The following CLDN10 variants were observed in gnomAD, a reference collection of about 807,000 sequenced individuals.
CLDN10 encodes claudin 10, also known as claudin-10.
Under a neutral mutation model 22.9 loss-of-function variants are expected in CLDN10, and 15 were observed. That is an observed-to-expected ratio of 0.65 (90% confidence interval 0.44 to 1.01). CLDN10 has a LOEUF of 1.01. Ranked by LOEUF, CLDN10 falls within the 50% of genes least tolerant of loss-of-function variation. CLDN10 has a pLI of 0.00. For synonymous variants in CLDN10, 114 were observed against 111.4 expected (o/e 1.02, Z -0.15); for missense variants, 247 against 287.8 (o/e 0.86, Z 1.03).
At chr13:95,490,813 T>C (rs2042865039) in intron 1 of CLDN10, among the ~76,000 whole-genome samples, 1 of 152,248 alleles carries the variant, frequency 6.6e-6, no homozygotes, top group Non-Finnish European at 1.5e-5. Flanking sequence ...GTTTCTTTAT[T>C]GACTTTCTGT....
At chr13:95,503,823 A>G (rs528916321) in intron 1 of CLDN10, among the ~76,000 whole-genome samples, 105 of 152,206 alleles carry the variant, frequency 6.9e-4, no homozygotes, top group Non-Finnish European at 1.3e-3. Flanking sequence ...GGTGGCTGCT[A>G]GGGAGAAGGG....
chr13:95,573,531 T>C (rs1460028172), intron 3 of CLDN10, among the ~76,000 whole-genome samples: 1 of 151,668 alleles, frequency 6.6e-6, no homozygotes, highest in Non-Finnish European at 1.5e-5. Context: ...AATCAGCTTC[T>C]TAGTGTTACC....
intron 1 of CLDN10, among the ~76,000 whole-genome samples, chr13:95,526,453 T>C (rs35679876): frequency 0.099 from 15,111 of 152,208 alleles, 925 homozygotes; most frequent in Middle Eastern, 0.13. Context: ...AATGTCAGTA[T>C]CTTTAAGTTG....
In CLDN10 at chr13:95,560,452, TG is replaced by T. The variant is rs1414602255; in HGVS notation, c.454del (p.Val152LeufsTer7). 6.2e-7 allele frequency: 1 copy of T among 1,612,938 alleles called. No individual in the cohort carries two copies. ...ITTEFFDPLF[V>X]EQKYELGAAL... ...CAACGGAATTCTTTGATCCTCTCTT[TG>T]TTGAGCAAAAGTAAGTACTCTTCTC... is the stretch of plus-strand genomic sequence containing the variant. On this transcript the variant is annotated frameshift_variant, in exon 3 of 5. Coordinates refer to ENST00000299339, the MANE Select transcript of CLDN10 (RefSeq NM_006984.5). LOFTEE classifies it high-confidence loss of function.
intron 1 of CLDN10, among the ~76,000 whole-genome samples, chr13:95,499,098 G>A (rs9524984): frequency 0.47 from 70,792 of 152,084 alleles, 17,127 homozygotes; most frequent in Non-Finnish European, 0.52. Flanking sequence ...GTATGGATAG[G>A]CCACATCTTG....
intron 1 of CLDN10, among the ~76,000 whole-genome samples, chr13:95,523,011 T>C (rs1257837250): frequency 6.6e-6 from 1 of 152,022 alleles, no homozygotes; most frequent in Non-Finnish European, 1.5e-5. Context: ...ACTTTAGTTC[T>C]TTGCCCTTAG....
At chr13:95,467,025 T>C (rs906303081) in intron 1 of CLDN10, among the ~76,000 whole-genome samples, 2 of 138,398 alleles carry the variant, frequency 1.4e-5, no homozygotes, top group African/African-American at 2.7e-5. Flanking sequence ...TACAGGCGCC[T>C]GCCACCATGC....
chr13:95,528,811 T>A (rs1317921082), intron 1 of CLDN10, among the ~76,000 whole-genome samples: 1 of 152,080 alleles, frequency 6.6e-6, no homozygotes. Context: ...ATTAAATGGG[T>A]AGTTGGCAAG....
chr13:95,532,812 A>G (rs984975548), intron 1 of CLDN10, among the ~76,000 whole-genome samples: 4 of 151,158 alleles, frequency 2.6e-5, no homozygotes, highest in Non-Finnish European at 5.9e-5. Context: ...AAAAAAAAAA[A>G]AAGAAGACAT....
At chr13:95,539,346 G>A (rs9525014) in intron 1 of CLDN10, among the ~76,000 whole-genome samples, 1 of 152,012 alleles carries the variant, frequency 6.6e-6, no homozygotes, top group Non-Finnish European at 1.5e-5. Flanking sequence ...CAATTGGATT[G>A]TGAATCTGTT....
Position 95,552,735 on chromosome 13 carries a change from C to G in CLDN10, c.-19C>G. On this transcript the variant is annotated 5_prime_UTR_variant, in exon 1 of 5. Coordinates refer to ENST00000299339, the MANE Select transcript of CLDN10 (RefSeq NM_006984.5). ...CGCAGAGTGGGAGCCGGAGAGCGAG[C>G]GCGGCTGCAGCCGGCGGCATGGCTA... 1.2e-6 allele frequency: 2 copies of G among 1,601,164 alleles called. No homozygotes were observed. The highest frequency in any genetic ancestry group is 2.3e-5 in the East Asian group (1 of 44,326).
intron 1 of CLDN10, among the ~76,000 whole-genome samples, chr13:95,540,086 G>A (rs1442063076): frequency 1.3e-5 from 2 of 151,324 alleles, no homozygotes; most frequent in Non-Finnish European, 2.9e-5. Context: ...GATCACCTGA[G>A]GTCAGGAGTT....
upstream of CLDN10, among the ~76,000 whole-genome samples, chr13:95,549,637 C>T (rs571713293): frequency 6.6e-5 from 10 of 152,194 alleles, no homozygotes; most frequent in East Asian, 1.5e-3. Context: ...ATTTTTCATT[C>T]TTTGGTCAGG....
chr13:95,555,305 C>A (rs2043622684), intron 1 of CLDN10, among the ~76,000 whole-genome samples: 1 of 152,214 alleles, frequency 6.6e-6, no homozygotes. Flanking sequence ...TCCTCGGCCT[C>A]CCAAAGTGCC....
chr13:95,457,388 G>A (rs1204550582), intron 1 of CLDN10, among the ~76,000 whole-genome samples: 7 of 152,098 alleles, frequency 4.6e-5, no homozygotes, highest in Non-Finnish European at 7.3e-5. Flanking sequence ...ATCCTCTTTC[G>A]TTGAGAAGCC....
intron 1 of CLDN10, among the ~76,000 whole-genome samples, chr13:95,466,443 C>G (rs2042581985): frequency 6.6e-6 from 1 of 152,104 alleles, no homozygotes; most frequent in Non-Finnish European, 1.5e-5. Context: ...GGCTTTATAA[C>G]AAGGCAGTGA....
At chr13:95,477,646 GTGCACA>G (rs940694601) in intron 1 of CLDN10, among the ~76,000 whole-genome samples, 4 of 152,142 alleles carry the variant, frequency 2.6e-5, no homozygotes, top group Admixed American at 6.5e-5. Flanking sequence ...AACTGCAAAG[GTGCACA>G]TGCGGAAACA....
intron 1 of CLDN10, among the ~76,000 whole-genome samples, chr13:95,558,340 G>A (rs1468070446): frequency 5.9e-5 from 9 of 152,180 alleles, no homozygotes; most frequent in Non-Finnish European, 5.9e-5. Flanking sequence ...TTCAGCATTT[G>A]GCAGCGGAGA....
chr13:95,459,496 C>A (rs998075895), intron 1 of CLDN10, among the ~76,000 whole-genome samples: 1 of 152,266 alleles, frequency 6.6e-6, no homozygotes, highest in Non-Finnish European at 1.5e-5. Flanking sequence ...GAAGGCCCAA[C>A]ACAATGTGTA....
Sources: allele counts gnomAD v4.1 joint callset (sites outside exome capture counted in the v4.1 genomes callset), GRCh38; gene constraint gnomAD v4.1.1; transcripts MANE v1.5; gene names NCBI Gene and HGNC (gene_info 2026-07-23, HGNC 2026-07-21).